The following KIRREL3 variants were observed in gnomAD, a reference collection of about 807,000 sequenced individuals.
KIRREL3 encodes kirre like nephrin family adhesion molecule 3.
A neutral mutation model predicts 89.7 loss-of-function variants in KIRREL3; 36 were observed. The observed-to-expected ratio is 0.40, with a 90% confidence interval of 0.31 to 0.53. The LOEUF is 0.53. Ranked by LOEUF, KIRREL3 falls within the 20% of genes least tolerant of loss-of-function variation. The pLI, the probability that KIRREL3 is intolerant of heterozygous loss-of-function variation, is 0.49. For synonymous variants in KIRREL3, 445 were observed against 441.4 expected, an observed-to-expected ratio of 1.01 and a Z score of -0.10; for missense variants, 864 against 1,056.6, an observed-to-expected ratio of 0.82 and a Z score of 2.53.
intron 2 of KIRREL3, among the ~76,000 whole-genome samples, chr11:126,533,733 G>A (rs898772744): frequency 6.6e-6 from 1 of 152,186 alleles, no homozygotes; most frequent in Non-Finnish European, 1.5e-5. Flanking sequence ...ACTGACCTGG[G>A]TTTGAATCCT....
chr11:126,470,950 T>C (rs1956869889), intron 5 of KIRREL3, among the ~76,000 whole-genome samples: 1 of 152,244 alleles, frequency 6.6e-6, no homozygotes, highest in Non-Finnish European at 1.5e-5. Context: ...TCTGGGACTC[T>C]ATGCACAGTT....
chr11:126,911,276 A>G (rs1006536777), intron 1 of KIRREL3, among the ~76,000 whole-genome samples: 2 of 152,204 alleles, frequency 1.3e-5, no homozygotes, highest in African/African-American at 4.8e-5. Flanking sequence ...TGAAAATGGC[A>G]TTGTTGTCAA....
rs1367022274 is a variant in KIRREL3, at chr11:126,696,213, C to T, written c.56-133301G>A. On this transcript the variant is annotated intron_variant, in intron 1 of 16. Coordinates refer to ENST00000525144, the MANE Select transcript of KIRREL3 (RefSeq NM_032531.4). This position sits in a 1 kb window ranked among gnomAD's most constrained non-coding sequence, Gnocchi z 4.4. The stretch of plus-strand genomic sequence containing the variant: ...CAGAGGTTGCAGTGAGCCAACATCC[C>T]GCCACTCCACTCCAGCCTGGGCCAC... Among the ~76,000 whole-genome samples the T allele has an allele frequency of 1.3e-5, 2 of 151,380 alleles. No homozygotes were observed. Among genetic ancestry groups the T allele is most frequent in the African/African-American group, 2.4e-5 (1 of 41,116 alleles).
Position 126,999,367 on chromosome 11 carries a change from C to A in KIRREL3, c.55+1088G>T, listed in dbSNP as rs945327932. 2.0e-5 allele frequency among the ~76,000 whole-genome samples: 3 copies of A among 152,218 alleles called. No homozygotes were observed. ...TTGCTTATATTTGGCTTCTCCCCGA[C>A]AGGGGAGAAACAGAAGACATGCTGT... On this transcript the variant is annotated intron_variant, in intron 1 of 16. Transcript: ENST00000525144. This position sits in a 1 kb window ranked among gnomAD's most constrained non-coding sequence, Gnocchi z 5.7.
rs1407084980 is a variant in KIRREL3, at chr11:126,528,434, G to A, written c.134-1747C>T. Among the ~76,000 whole-genome samples, 2 of 152,202 alleles carry A rather than the reference G, an allele frequency of 1.3e-5. No individual in the cohort carries two copies. Among genetic ancestry groups the A allele is most frequent in the East Asian group, 3.9e-4 (2 of 5,190 alleles). ...GCTTGGGGTGGAGGCTCCCCAGAAG[G>A]AGGGGTGCAGATTCACAGTGGAGAG... On this transcript the variant is annotated intron_variant, in intron 2 of 16. Coordinates refer to ENST00000525144, the MANE Select transcript of KIRREL3 (RefSeq NM_032531.4). This position sits in a 1 kb window ranked among gnomAD's most constrained non-coding sequence, Gnocchi z 4.6.
Position 126,440,568 on chromosome 11 carries a change from C to A in KIRREL3, c.1253-19G>T. On this transcript the variant is annotated intron_variant, in intron 10 of 16. Coordinates refer to ENST00000525144, the MANE Select transcript of KIRREL3 (RefSeq NM_032531.4). ...GGGGGTCCTGTTGAGAAACAGCGTC[C>A]CATTAGGCACCCGGGAAGGGCACGT... 6.4e-7 allele frequency: 1 copy of A among 1,574,674 alleles called. No individual in the cohort carries two copies. The highest frequency in any genetic ancestry group is 2.3e-5 in the East Asian group (1 of 42,776).
Position 126,569,575 on chromosome 11 carries a change from A to G in KIRREL3, c.56-6663T>C, listed in dbSNP as rs1454076092. 1.3e-5 allele frequency among the ~76,000 whole-genome samples: 2 copies of G among 152,244 alleles called. No homozygotes were observed. The highest frequency in any genetic ancestry group is 3.8e-4 in the East Asian group (2 of 5,196). ...AAGATACTATAATCCAGTTGGCTAT[A>G]CAAGACATATACTTAAGAAAAGGTA... On this transcript the variant is annotated intron_variant, in intron 1 of 16. Transcript: ENST00000525144. The surrounding 1 kb of genome is among the most constrained non-coding windows in gnomAD (Gnocchi z 6.5).
chr11:126,640,710 C>T lies in KIRREL3; in HGVS notation c.56-77798G>A, dbSNP rs984906485. Among the ~76,000 whole-genome samples the T allele has an allele frequency of 6.6e-6, 1 of 152,108 alleles. No homozygotes were observed. Among genetic ancestry groups the T allele is most frequent in the Non-Finnish European group, 1.5e-5 (1 of 68,018 alleles). On this transcript the variant is annotated intron_variant, in intron 1 of 16. Transcript: ENST00000525144. The surrounding 1 kb of genome is among the most constrained non-coding windows in gnomAD (Gnocchi z 4.9). Reference sequence around the variant, plus strand: ...TGAATCTGGAATGAACCATGGGACCCTTGGGTTGAAGACTATGCCTAACTC... The same window carrying T: ...TGAATCTGGAATGAACCATGGGACCTTTGGGTTGAAGACTATGCCTAACTC...
chr11:126,744,298 G>C lies in KIRREL3; in HGVS notation c.56-181386C>G, dbSNP rs962603625. Among the ~76,000 whole-genome samples the C allele has an allele frequency of 6.6e-6, 1 of 152,006 alleles. No homozygotes were observed. Among genetic ancestry groups the C allele is most frequent in the Non-Finnish European group, 1.5e-5 (1 of 68,004 alleles). On this transcript the variant is annotated intron_variant, in intron 1 of 16. Coordinates refer to ENST00000525144, the MANE Select transcript of KIRREL3 (RefSeq NM_032531.4). This position sits in a 1 kb window ranked among gnomAD's most constrained non-coding sequence, Gnocchi z 4.7. ...AAGCATTTGTTGAATCAATGACTGA[G>C]ATGTTGAGCAGGGGAGCAGCCTTTT... is the stretch of plus-strand genomic sequence containing the variant.
chr11:126,619,968 C>G (rs588974), intron 1 of KIRREL3, among the ~76,000 whole-genome samples: 64,314 of 151,744 alleles, frequency 0.42, 14,194 homozygotes, highest in South Asian at 0.53. Context: ...TATTCCCTTA[C>G]AAAATCAAAC....
At chr11:126,479,507 T>G (rs1377691161) in intron 4 of KIRREL3, among the ~76,000 whole-genome samples, 1 of 152,222 alleles carries the variant, frequency 6.6e-6, no homozygotes, top group East Asian at 1.9e-4. Flanking sequence ...AGCAGACTCT[T>G]GTGCTCCACC....
At chr11:126,738,146 C>T (rs1948865507) in intron 1 of KIRREL3, among the ~76,000 whole-genome samples, 1 of 152,122 alleles carries the variant, frequency 6.6e-6, no homozygotes, top group Non-Finnish European at 1.5e-5. Context: ...TCCGATATGC[C>T]AGCTGCCAAG....
Position 126,435,672 on chromosome 11 carries a change from G to A in KIRREL3, c.1553-369C>T, listed in dbSNP as rs543655982. Among the ~76,000 whole-genome samples, 3 of 152,324 alleles carry A rather than the reference G, an allele frequency of 2.0e-5. No homozygotes were observed. In the South Asian group the frequency reaches 6.2e-4, roughly 32 times the overall value. ...TGATATTATGCAAATTATGTGCAAA[G>A]CATTATGCAAAGCAGCACCTATTAG... On this transcript the variant is annotated intron_variant, in intron 12 of 16. Transcript: ENST00000525144.
chr11:126,600,971 C>G lies in KIRREL3; in HGVS notation c.56-38059G>C, dbSNP rs78211635. On this transcript the variant is annotated intron_variant, in intron 1 of 16. Transcript: ENST00000525144. ...TTCCCTTCTCTCTCTCACCCCTCCA[C>G]GGATCTCCTACCCCAGGAAGGTCAG... Among the ~76,000 whole-genome samples, 7 of 152,264 alleles carry G rather than the reference C, an allele frequency of 4.6e-5. No individual in the cohort carries two copies. In the East Asian group the frequency reaches 1.3e-3, roughly 29 times the overall value.
Position 126,561,732 on chromosome 11 carries a change from T to A in KIRREL3, c.133+1103A>T, listed in dbSNP as rs1268841863. ...GGCAGCAAATGGGGGAGGTGATCAC[T>A]TCCTGTGCTTAATTGTGCTGGCCTA... On this transcript the variant is annotated intron_variant, in intron 2 of 16. Transcript: ENST00000525144. This position sits in a 1 kb window ranked among gnomAD's most constrained non-coding sequence, Gnocchi z 4.5. Among the ~76,000 whole-genome samples the A allele has an allele frequency of 6.6e-6, 1 of 152,160 alleles. No individual in the cohort carries two copies. The highest frequency in any genetic ancestry group is 2.4e-5 in the African/African-American group (1 of 41,426).
At chr11:126,512,525 G>A (rs1003738618) in intron 4 of KIRREL3, among the ~76,000 whole-genome samples, 5 of 152,292 alleles carry the variant, frequency 3.3e-5, no homozygotes, top group African/African-American at 9.6e-5. Flanking sequence ...AGGAGCAGCC[G>A]TATGAGGGGT....
rs1018803654 is a variant in KIRREL3 at position 126,780,609 on chromosome 11, AAGGTAAACG to A, written c.56-217706_56-217698del. On this transcript the variant is annotated intron_variant, in intron 1 of 16. Transcript: ENST00000525144. The surrounding 1 kb of genome is among the most constrained non-coding windows in gnomAD (Gnocchi z 5.3). ...TCAAGCTTGGGGGATGTCCCATGCA[AAGGTAAACG>A]AGTACCCAGAGGTGCCCAGATGCCC... 6.6e-6 allele frequency among the ~76,000 whole-genome samples: 1 copy of A among 152,144 alleles called. No homozygotes were observed. Among genetic ancestry groups the A allele is most frequent in the Non-Finnish European group, 1.5e-5 (1 of 68,030 alleles).
chr11:126,756,542 T>C (rs893577200), intron 1 of KIRREL3, among the ~76,000 whole-genome samples: 1 of 152,254 alleles, frequency 6.6e-6, no homozygotes, highest in Admixed American at 6.5e-5. Flanking sequence ...GATGTATTGT[T>C]GGTCTAGGCC....
rs558375547 is a variant in KIRREL3, at chr11:126,773,996, G to A, written c.56-211084C>T. 6.6e-5 allele frequency among the ~76,000 whole-genome samples: 10 copies of A among 152,116 alleles called. No homozygotes were observed. Among genetic ancestry groups the A allele is most frequent in the African/African-American group, 2.4e-4 (10 of 41,506 alleles). On this transcript the variant is annotated intron_variant, in intron 1 of 16. Transcript: ENST00000525144. The surrounding 1 kb of genome is among the most constrained non-coding windows in gnomAD (Gnocchi z 4.2). ...AGCCAGGGACAGGGTAAGAGTCTCC[G>A]GCTGGAGAAAAAAGTGATGGGGTCC...
Sources: allele counts gnomAD v4.1 joint callset (sites outside exome capture counted in the v4.1 genomes callset), GRCh38; gene constraint gnomAD v4.1.1; non-coding constraint Gnocchi (gnomAD v3.1); transcripts MANE v1.5; gene names NCBI Gene and HGNC (gene_info 2026-07-23, HGNC 2026-07-21).